CDK6: variants seen among roughly 807,000 people sequenced by gnomAD.
The protein encoded by CDK6 is cyclin dependent kinase 6.
A neutral mutation model predicts 37.1 loss-of-function variants in CDK6; 6 were observed. That is an observed-to-expected ratio of 0.16 (90% CI 0.09 to 0.32). The LOEUF (loss-of-function observed/expected upper bound fraction) is 0.32. Ranked by LOEUF, CDK6 falls within the 10% of genes least tolerant of loss-of-function variation. CDK6 has a pLI of 1.00. For missense variants in CDK6, 224 were observed against 418.9 expected, an observed-to-expected ratio of 0.53 and a Z score of 4.06; for synonymous variants, 160 against 161.3, an observed-to-expected ratio of 0.99 and a Z score of 0.06.
At chr7:92,640,579 C>T (rs1357458208) in intron 5 of CDK6, among the ~76,000 whole-genome samples, 4 of 152,204 alleles carry the variant, frequency 2.6e-5, no homozygotes, top group Non-Finnish European at 5.9e-5. Context: ...ATCTAACCTA[C>T]AGATACAGGG....
chr7:92,747,705 A>C (rs1002407303), intron 3 of CDK6, among the ~76,000 whole-genome samples: 3 of 152,138 alleles, frequency 2.0e-5, no homozygotes, highest in Admixed American at 1.3e-4. Context: ...CATTTGTAAC[A>C]CACTGTATTC....
intron 3 of CDK6, among the ~76,000 whole-genome samples, chr7:92,749,601 A>G (rs1799142094): frequency 6.6e-6 from 1 of 152,212 alleles, no homozygotes; most frequent in Non-Finnish European, 1.5e-5. Flanking sequence ...AATCACATGT[A>G]CATTTTTGAT....
At chr7:92,772,734 TC>T (rs575225783) in intron 3 of CDK6, among the ~76,000 whole-genome samples, 16 of 151,754 alleles carry the variant, frequency 1.1e-4, no homozygotes, top group Non-Finnish European at 1.8e-4. Flanking sequence ...CCCTTGAGAT[TC>T]CCCCCATTCC....
At chr7:92,711,552 ATTTTTTTTTTTTTTTTT>A (rs11285626) in intron 4 of CDK6, among the ~76,000 whole-genome samples, 1 of 56,614 alleles carries the variant, frequency 1.8e-5, no homozygotes, top group East Asian at 7.6e-4. Context: ...GAATGGTCAA[ATTTTTTTTTTTTTTTTT>A]TTTTTTTTTT....
chr7:92,649,154 T>C lies in CDK6; in HGVS notation c.647+22272A>G, dbSNP rs139609582. On this transcript the variant is annotated intron_variant, in intron 5 of 7. Transcript: ENST00000424848. ...AATGAGGGCTGTGATAAGCCCTGAG[T>C]CACAGAAACCTTTAAGCTCGTGTTT... Among the ~76,000 whole-genome samples, 3 of 152,294 alleles carry C rather than the reference T, an allele frequency of 2.0e-5. No homozygotes were observed. In the East Asian group the frequency reaches 5.8e-4, roughly 29 times the overall value.
chr7:92,694,829 A>G (rs1797672543), intron 4 of CDK6, among the ~76,000 whole-genome samples: 1 of 152,186 alleles, frequency 6.6e-6, no homozygotes, highest in Non-Finnish European at 1.5e-5. Context: ...AAAATTATAT[A>G]TATATAAAAA....
At chr7:92,762,726 C>A (rs1799487271) in intron 3 of CDK6, among the ~76,000 whole-genome samples, 1 of 152,012 alleles carries the variant, frequency 6.6e-6, no homozygotes, top group South Asian at 2.1e-4. Context: ...TGCCACCATG[C>A]CCAGCTAATT....
intron 3 of CDK6, among the ~76,000 whole-genome samples, chr7:92,738,090 GA>G (rs1197626888): frequency 1.3e-5 from 2 of 152,116 alleles, no homozygotes; most frequent in Admixed American, 6.5e-5. Context: ...TTTTTAAACT[GA>G]AGTCAGTTAT....
chr7:92,779,247 C>T (rs1336468956), intron 2 of CDK6, among the ~76,000 whole-genome samples: 1 of 152,152 alleles, frequency 6.6e-6, no homozygotes, highest in African/African-American at 2.4e-5. Context: ...AGCAACTGGA[C>T]TCCAGGCCTC....
intron 4 of CDK6, among the ~76,000 whole-genome samples, chr7:92,722,847 G>A (rs1299235183): frequency 1.3e-5 from 2 of 152,146 alleles, no homozygotes; most frequent in African/African-American, 4.8e-5. Context: ...AGGAACTTAT[G>A]GCCTGATAAA....
At chr7:92,769,949 G>GA (rs1289667523) in intron 3 of CDK6, among the ~76,000 whole-genome samples, 1 of 151,638 alleles carries the variant, frequency 6.6e-6, no homozygotes, top group Non-Finnish European at 1.5e-5. Flanking sequence ...TACTCTAAAA[G>GA]AAAAAATAAC....
intron 5 of CDK6, among the ~76,000 whole-genome samples, chr7:92,638,277 G>A (rs1330400881): frequency 6.6e-6 from 1 of 152,156 alleles, no homozygotes; most frequent in Non-Finnish European, 1.5e-5. Flanking sequence ...AGATGAACCT[G>A]GAAGTAGGAA....
intron 4 of CDK6, among the ~76,000 whole-genome samples, chr7:92,711,549 C>CA (rs765052847): frequency 9.3e-6 from 1 of 107,584 alleles, no homozygotes; most frequent in African/African-American, 3.8e-5. Flanking sequence ...CTGGAATGGT[C>CA]AAATTTTTTT....
chr7:92,689,115 T>C (rs1159928803), intron 4 of CDK6, among the ~76,000 whole-genome samples: 4 of 152,182 alleles, frequency 2.6e-5, no homozygotes, highest in African/African-American at 4.8e-5. Flanking sequence ...TTCTAGGGTA[T>C]GGTTCTTGCC....
At chr7:92,677,056 A>G (rs539060998) in intron 4 of CDK6, among the ~76,000 whole-genome samples, 2 of 152,320 alleles carry the variant, frequency 1.3e-5, no homozygotes, top group South Asian at 4.1e-4. Flanking sequence ...AGTTCAATGA[A>G]AGCTAAAATT....
At chr7:92,812,943 T>G (rs990407903) in intron 2 of CDK6, among the ~76,000 whole-genome samples, 11 of 152,234 alleles carry the variant, frequency 7.2e-5, no homozygotes, top group African/African-American at 2.4e-4. Context: ...GACCCTCTTC[T>G]ATGTCAGAAA....
At chr7:92,624,021 A>C (rs1396706838) in intron 5 of CDK6, among the ~76,000 whole-genome samples, 1 of 152,136 alleles carries the variant, frequency 6.6e-6, no homozygotes, top group African/African-American at 2.4e-5. Flanking sequence ...ATACAGCCTT[A>C]AACTTGACCT....
In CDK6 at chr7:92,807,807, G is replaced by A. The variant is rs549635375; in HGVS notation, c.233+25284C>T. The stretch of plus-strand genomic sequence containing the variant: ...GAACAGTCAAACGGTATAACCAAGC[G>A]AAAATTTTATTAACTATAATTCTCT... On this transcript the variant is annotated intron_variant, in intron 2 of 7. Coordinates refer to ENST00000424848, the MANE Select transcript of CDK6 (RefSeq NM_001145306.2). Among the ~76,000 whole-genome samples the A allele has an allele frequency of 1.5e-4, 23 of 152,186 alleles. No individual in the cohort carries two copies. The East Asian group carries it at 2.3e-3, about 15-fold the overall frequency.
intron 4 of CDK6, among the ~76,000 whole-genome samples, chr7:92,673,905 G>A (rs1165648918): frequency 1.3e-5 from 2 of 151,894 alleles, no homozygotes; most frequent in Non-Finnish European, 2.9e-5. Context: ...AGCCTCCTGA[G>A]TAGCTGGGAC....
Sources: gnomAD v4.1 joint callset for allele counts (sites outside exome capture counted in the v4.1 genomes callset) on GRCh38, gnomAD v4.1.1 for gene constraint, MANE v1.5 for transcripts, NCBI Gene and HGNC (gene_info 2026-07-23, HGNC 2026-07-21) for gene names.